The following AKT3 variants were observed in gnomAD, a reference collection of about 807,000 sequenced individuals.
The protein encoded by AKT3 is AKT serine/threonine kinase 3, also known as RAC-gamma serine/threonine-protein kinase.
AKT3 carries 15 observed loss-of-function variants against 65.3 expected under a neutral mutation model. The ratio of observed to expected loss-of-function variants is 0.23; its 90% CI spans 0.15 to 0.35. The LOEUF is 0.35. Among genes scored for constraint, AKT3 ranks in the 10% least tolerant of loss-of-function variants. The probability of loss-of-function intolerance (pLI) is 1.00; values close to 1 mark genes in which losing one functional copy is unlikely to be tolerated. For missense variants in AKT3, 243 were observed against 576.5 expected, an observed-to-expected ratio of 0.42 and a Z score of 5.92; for synonymous variants, 206 against 183.8, an observed-to-expected ratio of 1.12 and a Z score of -0.98.
intron 2 of AKT3, among the ~76,000 whole-genome samples, chr1:243,768,322 C>G (rs372934047): frequency 6.6e-6 from 1 of 152,046 alleles, no homozygotes; most frequent in Non-Finnish European, 1.5e-5. Context: ...TTAATTTTAA[C>G]TGATATATTC....
At chr1:243,516,143 G>A (rs563637498) in intron 12 of AKT3, among the ~76,000 whole-genome samples, 7 of 152,306 alleles carry the variant, frequency 4.6e-5, no homozygotes, top group African/African-American at 1.7e-4. Context: ...TGTGGGTCTG[G>A]TGTCTTTGTC....
chr1:243,555,656 T>A (rs1410132792), intron 10 of AKT3, among the ~76,000 whole-genome samples: 2 of 152,132 alleles, frequency 1.3e-5, no homozygotes, highest in Non-Finnish European at 2.9e-5. Context: ...TATTTCATGG[T>A]TATTGTGAGG....
intron 2 of AKT3, among the ~76,000 whole-genome samples, chr1:243,701,625 T>C (rs1216584118): frequency 7.9e-6 from 1 of 127,058 alleles, no homozygotes; most frequent in Admixed American, 8.7e-5. Flanking sequence ...AACAACACAA[T>C]CACCATTTTA....
At chr1:243,790,487 T>C (rs1691552294) in intron 2 of AKT3, among the ~76,000 whole-genome samples, 1 of 152,196 alleles carries the variant, frequency 6.6e-6, no homozygotes, top group Non-Finnish European at 1.5e-5. Context: ...GGATTAGGCT[T>C]TGGTTTAGGG....
At chr1:243,593,458 G>A (rs141490380) in intron 8 of AKT3, among the ~76,000 whole-genome samples, 113 of 152,300 alleles carry the variant, frequency 7.4e-4, no homozygotes, top group Non-Finnish European at 1.1e-3. Context: ...AGGCCTAGGT[G>A]CGTGGATCAC....
At chr1:243,556,531 C>A (rs1673420255) in intron 10 of AKT3, among the ~76,000 whole-genome samples, 1 of 152,060 alleles carries the variant, frequency 6.6e-6, no homozygotes, top group Admixed American at 6.6e-5. Context: ...GCTATGTATG[C>A]CCTGGAGTGG....
intron 6 of AKT3, chr1:243,625,124 GTTTTTTTTT>G (rs67561828): frequency 5.3e-5 from 4 of 75,356 alleles, no homozygotes; most frequent in Admixed American, 1.8e-4. Flanking sequence ...TGCAGTTTGT[GTTTTTTTTT>G]TTTTTTTTTT....
At chr1:243,731,086 A>G (rs972808045) in intron 2 of AKT3, among the ~76,000 whole-genome samples, 2 of 152,230 alleles carry the variant, frequency 1.3e-5, no homozygotes, top group Admixed American at 6.5e-5. Flanking sequence ...GGGGCGCCAC[A>G]GGCCACAATG....
chr1:243,610,835 G>C (rs1677818335), intron 8 of AKT3, among the ~76,000 whole-genome samples: 1 of 152,122 alleles, frequency 6.6e-6, no homozygotes, highest in Admixed American at 6.5e-5. Flanking sequence ...ATACTCGTCT[G>C]CACCTAGTTT....
intron 2 of AKT3, among the ~76,000 whole-genome samples, chr1:243,806,664 T>C (rs574547381): frequency 1.3e-5 from 2 of 152,290 alleles, no homozygotes; most frequent in African/African-American, 2.4e-5. Flanking sequence ...TCTCAATAAA[T>C]ATCACATAGC....
chr1:243,639,417 G>A (rs1353800819), intron 5 of AKT3, among the ~76,000 whole-genome samples: 1 of 152,084 alleles, frequency 6.6e-6, no homozygotes, highest in Non-Finnish European at 1.5e-5. Flanking sequence ...GAGTTTGGCA[G>A]GTCTCCTTTC....
Position 243,685,401 on chromosome 1 carries a change from G to A in AKT3, c.172+10190C>T, listed in dbSNP as rs576519957. On this transcript the variant is annotated intron_variant, in intron 3 of 13. Coordinates refer to ENST00000673466, the MANE Select transcript of AKT3 (RefSeq NM_005465.7). Reference sequence around the variant, plus strand: ...AGTTTCAGTTTTCTGCATATGGCTAGCCAGTTTTCCCAACACCATTTATTA... The same window carrying A: ...AGTTTCAGTTTTCTGCATATGGCTAACCAGTTTTCCCAACACCATTTATTA... Among the ~76,000 whole-genome samples the A allele has an allele frequency of 2.6e-5, 4 of 152,260 alleles. No individual in the cohort carries two copies. In the East Asian group the frequency reaches 7.7e-4, roughly 29 times the overall value.
chr1:243,623,034 T>G lies in AKT3; in HGVS notation c.562-7873A>C, dbSNP rs548456492. On this transcript the variant is annotated intron_variant, in intron 6 of 13. Coordinates refer to ENST00000673466, the MANE Select transcript of AKT3 (RefSeq NM_005465.7). Reference sequence around the variant, plus strand: ...AAGTCAGTCTTCAGAACTGGCGCCGTTGGCCAACTCCTGGGAAATGAATTC... The same window carrying G: ...AAGTCAGTCTTCAGAACTGGCGCCGGTGGCCAACTCCTGGGAAATGAATTC... 2.2e-3 allele frequency among the ~76,000 whole-genome samples: 337 copies of G among 152,342 alleles called. 3 individuals are homozygous for G. The highest frequency in any genetic ancestry group is 3.1e-3 in the Non-Finnish European group (212 of 68,020).
At chr1:243,613,407 C>T (rs1678048553) in intron 8 of AKT3, among the ~76,000 whole-genome samples, 1 of 151,910 alleles carries the variant, frequency 6.6e-6, no homozygotes, top group South Asian at 2.1e-4. Context: ...AAAAATCATA[C>T]TTCTGTTAAA....
rs1673285630 is a variant in AKT3 at position 243,554,541 on chromosome 1, T to C, written c.949-1598A>G. Reference sequence around the variant, plus strand: ...AAAAAGCAGAAGAAATTCTACTTCATATTTACGTTAAAGGAAATGCTGCAT... The same window carrying C: ...AAAAAGCAGAAGAAATTCTACTTCACATTTACGTTAAAGGAAATGCTGCAT... On this transcript the variant is annotated intron_variant, in intron 10 of 13. Transcript: ENST00000673466. Among the ~76,000 whole-genome samples the C allele has an allele frequency of 2.0e-5, 3 of 152,210 alleles. No homozygotes were observed. The South Asian group carries it at 6.2e-4, about 32-fold the overall frequency.
At chr1:243,606,378 G>A (rs575800440) in intron 8 of AKT3, among the ~76,000 whole-genome samples, 12 of 152,324 alleles carry the variant, frequency 7.9e-5, no homozygotes, top group African/African-American at 2.4e-4. Flanking sequence ...TAAAGTCCAG[G>A]CTGAGGTGGC....
At chr1:243,694,556 G>C (rs1213638870) in intron 3 of AKT3, among the ~76,000 whole-genome samples, 1 of 150,838 alleles carries the variant, frequency 6.6e-6, no homozygotes, top group Non-Finnish European at 1.5e-5. Flanking sequence ...TATCCATATC[G>C]TTCAAATGAC....
chr1:243,725,581 A>T (rs1211546414), intron 2 of AKT3, among the ~76,000 whole-genome samples: 1 of 152,220 alleles, frequency 6.6e-6, no homozygotes, highest in Non-Finnish European at 1.5e-5. Flanking sequence ...GGAGATTTGC[A>T]AGGGTTAAGG....
intron 8 of AKT3, among the ~76,000 whole-genome samples, chr1:243,606,179 G>A (rs979451617): frequency 6.6e-6 from 1 of 152,128 alleles, no homozygotes; most frequent in Non-Finnish European, 1.5e-5. Flanking sequence ...CAGTACATTG[G>A]TACCACAGAG....
Sources: gnomAD v4.1 joint callset for allele counts (sites outside exome capture counted in the v4.1 genomes callset) on GRCh38, gnomAD v4.1.1 for gene constraint, MANE v1.5 for transcripts, NCBI Gene and HGNC (gene_info 2026-07-23, HGNC 2026-07-21) for gene names.